The following UBE2J1 variants were observed in gnomAD, a reference collection of about 807,000 sequenced individuals.
The protein encoded by UBE2J1 is ubiquitin conjugating enzyme E2 J1, also known as ubiquitin-conjugating enzyme E2 J1.
Under a neutral mutation model 42.1 loss-of-function variants are expected in UBE2J1, and 17 were observed. The ratio of observed to expected loss-of-function variants is 0.40; its 90% CI spans 0.28 to 0.61. UBE2J1 has a LOEUF of 0.61. Ranked by LOEUF, UBE2J1 falls within the 20% of genes least tolerant of loss-of-function variation. The pLI is 0.38. For missense variants in UBE2J1, 291 were observed against 389.4 expected (o/e 0.75, Z 2.13); for synonymous variants, 127 against 137.2 (o/e 0.93, Z 0.52).
rs2127858399 is a variant in UBE2J1 at position 89,328,493 on chromosome 6, T to C, written c.*1186A>G. The C allele has an allele frequency of 6.6e-6, 1 of 152,330 alleles. No individual in the cohort carries two copies. The highest frequency in any genetic ancestry group is 6.5e-5 in the Admixed American group (1 of 15,302). 9.4% of individuals were successfully genotyped at this position (152,330 alleles called of 1,614,324 possible). A position where few individuals can be genotyped will look rare whatever the true frequency, so the allele number is the denominator to read the frequency against. On this transcript the variant is annotated 3_prime_UTR_variant, in exon 8 of 8. Coordinates refer to ENST00000435041, the MANE Select transcript of UBE2J1 (RefSeq NM_016021.3). ...GCTTGGAACCACCTGTATTTAAAAA[T>C]TAAATCTTCATTAACAACACCCTCA...
intron 1 of UBE2J1, among the ~76,000 whole-genome samples, chr6:89,344,201 G>A (rs897010222): frequency 2.8e-4 from 43 of 152,098 alleles, no homozygotes; most frequent in African/African-American, 1.0e-3. Flanking sequence ...CAGGCAATTT[G>A]GCTCTACCTG....
intron 1 of UBE2J1, among the ~76,000 whole-genome samples, chr6:89,349,344 AT>A (rs1768421766): frequency 6.6e-6 from 1 of 152,198 alleles, no homozygotes; most frequent in South Asian, 2.1e-4. Flanking sequence ...TTTGAACTTT[AT>A]TGACAGCTAT....
rs1262543394 is a variant in UBE2J1, at chr6:89,327,930, T to C, written c.*1749A>G. On this transcript the variant is annotated 3_prime_UTR_variant, in exon 8 of 8. Coordinates refer to ENST00000435041, the MANE Select transcript of UBE2J1 (RefSeq NM_016021.3). Reference sequence around the variant, plus strand: ...GTTTCTAATATGTTTCAAATCAAGATTTTAGAGTGTATTTTCTTATGGCAA... The same window carrying C: ...GTTTCTAATATGTTTCAAATCAAGACTTTAGAGTGTATTTTCTTATGGCAA... 2 of 152,184 alleles carry C rather than the reference T, an allele frequency of 1.3e-5. No homozygotes were observed. Among genetic ancestry groups the C allele is most frequent in the Non-Finnish European group, 2.9e-5 (2 of 68,032 alleles). The allele number at this position is 152,184 out of a possible 1,614,324, so 9.4% of individuals were successfully genotyped here. A position where few individuals can be genotyped will look rare whatever the true frequency, so the allele number is the denominator to read the frequency against.
rs766362163 is a variant in UBE2J1 at position 89,343,775 on chromosome 6, AAT to A, written c.32-21_32-20del. 2 of 1,563,622 alleles carry A rather than the reference AAT, an allele frequency of 1.3e-6. No individual in the cohort carries two copies. On this transcript the variant is annotated intron_variant, in intron 1 of 7. Coordinates refer to ENST00000435041, the MANE Select transcript of UBE2J1 (RefSeq NM_016021.3). ...TTAACAGCTAAAATAAAATTCATAAAATAGAGATATTTAAAATATACTTTTCT... is the reference window on the plus strand; with the variant it reads ...TTAACAGCTAAAATAAAATTCATAAAAGAGATATTTAAAATATACTTTTCT...
chr6:89,345,570 C>A (rs539967133), intron 1 of UBE2J1, among the ~76,000 whole-genome samples: 1 of 151,130 alleles, frequency 6.6e-6, no homozygotes, highest in African/African-American at 2.4e-5. Context: ...CCATTGCACT[C>A]CAGCCTGGGC....
intron 6 of UBE2J1, 30 bp downstream of exon 6, chr6:89,335,272 G>T (rs1768086194): frequency 6.5e-7 from 1 of 1,537,920 alleles, no homozygotes; most frequent in Non-Finnish European, 8.8e-7. Flanking sequence ...AGGGTTGCAA[G>T]ATTAGCATTT....
At chr6:89,338,591 G>A in intron 3 of UBE2J1, 48 bp from the exon 4 acceptor site, 1 of 856,184 alleles carries the variant, frequency 1.2e-6, no homozygotes. Context: ...TGTGCTTAAT[G>A]TTTATACTTT....
intron 3 of UBE2J1, 83 bp from the exon 4 acceptor site, chr6:89,338,626 T>C (rs1322423960): frequency 7.7e-6 from 3 of 391,290 alleles, no homozygotes; most frequent in African/African-American, 2.2e-5. Context: ...TATTTATATA[T>C]AATAATTTTA....
chr6:89,331,425 C>A (rs1228926979), intron 7 of UBE2J1, among the ~76,000 whole-genome samples: 4 of 152,134 alleles, frequency 2.6e-5, no homozygotes, highest in Non-Finnish European at 5.9e-5. Context: ...ACTATAATAA[C>A]ATCATTATTT....
intron 1 of UBE2J1, among the ~76,000 whole-genome samples, chr6:89,348,686 C>T (rs75337109): frequency 6.6e-6 from 1 of 152,146 alleles, no homozygotes; most frequent in Non-Finnish European, 1.5e-5. Flanking sequence ...TCTTCCGTAA[C>T]AGTCAGTAGA....
chr6:89,333,323 T>C, intron 6 of UBE2J1, 118 bp from the exon 7 acceptor site: 1 of 1,196,552 alleles, frequency 8.4e-7, no homozygotes, highest in Non-Finnish European at 1.1e-6. Context: ...GTTTAATATC[T>C]ATTATCAGGC....
chr6:89,332,865 A>C (rs1409390135), intron 7 of UBE2J1, among the ~76,000 whole-genome samples: 1 of 152,210 alleles, frequency 6.6e-6, no homozygotes, highest in Non-Finnish European at 1.5e-5. Context: ...GACAAGACAA[A>C]AATTATTTAA....
intron 7 of UBE2J1, 136 bp from the exon 8 acceptor site, chr6:89,330,093 A>C (rs1286931211): frequency 1.3e-5 from 11 of 875,210 alleles, no homozygotes; most frequent in African/African-American, 3.5e-5. Flanking sequence ...ATTGTTACTA[A>C]TAATACATCC....
At position 89,336,480 on chromosome 6, in the gene UBE2J1, T is replaced by A. The variant is rs949171828; in HGVS notation, c.429-1049A>T. Among the ~76,000 whole-genome samples the A allele has an allele frequency of 7.4e-4, 110 of 149,546 alleles. 1 individual carries two copies. Among genetic ancestry groups the A allele is most frequent in the African/African-American group, 2.5e-3 (101 of 39,968 alleles). The stretch of plus-strand genomic sequence containing the variant: ...TAATTTTTATTTTATTTTATTTTTT[T>A]TTTTTATTTCATTTTATTATTATTT... On this transcript the variant is annotated intron_variant, in intron 5 of 7. Transcript: ENST00000435041.
At chr6:89,347,924 G>GA (rs1162826108) in intron 1 of UBE2J1, among the ~76,000 whole-genome samples, 6 of 152,074 alleles carry the variant, frequency 3.9e-5, no homozygotes, top group Non-Finnish European at 7.4e-5. Flanking sequence ...GTTGAAAATG[G>GA]ACTGGTATAT....
At chr6:89,346,479 G>A (rs1344951783) in intron 1 of UBE2J1, among the ~76,000 whole-genome samples, 2 of 152,026 alleles carry the variant, frequency 1.3e-5, no homozygotes, top group Non-Finnish European at 2.9e-5. Flanking sequence ...TCAATTCCCT[G>A]AACACACTTT....
chr6:89,351,531 T>C (rs962118072), intron 1 of UBE2J1, among the ~76,000 whole-genome samples: 1 of 152,142 alleles, frequency 6.6e-6, no homozygotes. Context: ...TCTGAAACCT[T>C]ACAAAAAACC....
intron 1 of UBE2J1, among the ~76,000 whole-genome samples, chr6:89,347,894 C>T (rs1169269797): frequency 6.6e-6 from 1 of 152,152 alleles, no homozygotes; most frequent in African/African-American, 2.4e-5. Context: ...TCCTTCCTGC[C>T]CAGTCCCTGA....
chr6:89,329,741 C>T lies in UBE2J1; in HGVS notation c.895G>A (p.Ala299Thr), dbSNP rs775303768. 3 of 1,614,110 alleles carry T rather than the reference C, an allele frequency of 1.9e-6. No individual in the cohort carries two copies. Among genetic ancestry groups the T allele is most frequent in the South Asian group, 1.1e-5 (1 of 91,084 alleles). The change falls in exon 8 of 8, where the codon GCA (alanine) becomes ACA (threonine). Residue 299 changes from alanine to threonine, a missense_variant. This residue lies in a region of UBE2J1 where 176 missense variants were observed against 196.3 expected (regional missense o/e 0.90). Coordinates refer to ENST00000435041, the MANE Select transcript of UBE2J1 (RefSeq NM_016021.3). ...VLIVILTLAL[A>T]ALIFRRIYLA... Reference sequence around the variant, plus strand: ...TATATTCGTCGGAATATAAGAGCTGCCAATGCCAAAGTCAGGATGACAATC... The same window carrying T: ...TATATTCGTCGGAATATAAGAGCTGTCAATGCCAAAGTCAGGATGACAATC...
Sources: gnomAD v4.1 joint callset for allele counts (sites outside exome capture counted in the v4.1 genomes callset) on GRCh38, gnomAD v4.1.1 for gene constraint, gnomAD v4.1.1 regional missense constraint, MANE v1.5 for transcripts, NCBI Gene and HGNC (gene_info 2026-07-23, HGNC 2026-07-21) for gene names.